Variants in CTNNA2 observed in about 807,000 individuals in gnomAD.
CTNNA2 encodes catenin alpha 2.
Under a neutral mutation model 101.0 loss-of-function variants are expected in CTNNA2, and 42 were observed. That is an observed-to-expected ratio of 0.42 (90% CI 0.32 to 0.54). The LOEUF is 0.54. Ranked by LOEUF, CTNNA2 falls within the 20% of genes least tolerant of loss-of-function variation. CTNNA2 has a pLI of 0.14. For missense variants in CTNNA2, 871 were observed against 1,223.1 expected, an observed-to-expected ratio of 0.71 and a Z score of 4.29; for synonymous variants, 450 against 456.4, an observed-to-expected ratio of 0.99 and a Z score of 0.18.
At chr2:79,716,802 G>T (rs891873913) in intron 2 of CTNNA2, among the ~76,000 whole-genome samples, 1 of 151,980 alleles carries the variant, frequency 6.6e-6, no homozygotes, top group South Asian at 2.1e-4. Flanking sequence ...TTAACAGGAG[G>T]TACCAATTGA....
chr2:79,984,648 C>G (rs1691634525), intron 7 of CTNNA2, among the ~76,000 whole-genome samples: 4 of 152,120 alleles, frequency 2.6e-5, no homozygotes, highest in Admixed American at 2.6e-4. Flanking sequence ...GGCTATGAGT[C>G]AGTGTGCTGA....
chr2:79,365,538 A>G (rs2104450497), intron 3 of CTNNA2, among the ~76,000 whole-genome samples: 1 of 150,450 alleles, frequency 6.6e-6, no homozygotes, highest in East Asian at 2.0e-4. Flanking sequence ...AGGCAGGAGG[A>G]TGGCCCAAGC....
chr2:80,604,323 T>A (rs1697812407), intron 16 of CTNNA2, 144 bp downstream of exon 16: 4 of 675,412 alleles, frequency 5.9e-6, no homozygotes, highest in Admixed American at 4.4e-5. Flanking sequence ...CACACTGGTA[T>A]CTGCCTCTCC....
chr2:80,553,162 T>G (rs1444904812), intron 11 of CTNNA2, among the ~76,000 whole-genome samples: 1 of 151,200 alleles, frequency 6.6e-6, no homozygotes, highest in East Asian at 1.9e-4. Context: ...AGACTGAGGT[T>G]GTGGTGAGCT....
At chr2:79,409,842 T>C (rs1015282687) in intron 4 of CTNNA2, among the ~76,000 whole-genome samples, 3 of 151,308 alleles carry the variant, frequency 2.0e-5, no homozygotes, top group African/African-American at 4.9e-5. Context: ...GTGAAGAAAG[T>C]CATTGGTAGC....
At chr2:80,568,675 C>G (rs1694284797) in intron 12 of CTNNA2, among the ~76,000 whole-genome samples, 2 of 151,984 alleles carry the variant, frequency 1.3e-5, no homozygotes, top group South Asian at 4.2e-4. Context: ...GAAGGCTTCA[C>G]AATGGCAATT....
Position 80,227,494 on chromosome 2 carries a change from A to T in CTNNA2, c.1057-165717A>T, listed in dbSNP as rs945172090. ...ACGCCCAGCCCTTACTGATATTTCC[A>T]GGCATTCAGCCATCTATTTGATAAT... is the stretch of plus-strand genomic sequence containing the variant. On this transcript the variant is annotated intron_variant, in intron 7 of 18. Transcript: ENST00000402739. Among the ~76,000 whole-genome samples, 2 of 152,322 alleles carry T rather than the reference A, an allele frequency of 1.3e-5. 1 individual carries two copies. Among genetic ancestry groups the T allele is most frequent in the South Asian group, 4.1e-4 (2 of 4,824 alleles).
At chr2:79,286,616 G>A (rs948097988) in intron 2 of CTNNA2, among the ~76,000 whole-genome samples, 1 of 152,192 alleles carries the variant, frequency 6.6e-6, no homozygotes, top group Non-Finnish European at 1.5e-5. Context: ...TTTCTGCCGA[G>A]AGATCTGCTG....
chr2:79,884,494 T>G (rs531587856), intron 6 of CTNNA2, among the ~76,000 whole-genome samples: 1 of 152,202 alleles, frequency 6.6e-6, no homozygotes, highest in Non-Finnish European at 1.5e-5. Flanking sequence ...ACTTTTCGAA[T>G]ACTTCAGCTT....
At chr2:79,350,073 CAAAAAAAAA>C (rs59503765) in intron 3 of CTNNA2, among the ~76,000 whole-genome samples, 17 of 57,452 alleles carry the variant, frequency 3.0e-4, no homozygotes, top group Non-Finnish European at 1.7e-4. Flanking sequence ...GACTCCTTCT[CAAAAAAAAA>C]AAAAAAAAAA....
intron 3 of CTNNA2, among the ~76,000 whole-genome samples, chr2:79,752,840 A>G (rs1488142359): frequency 6.6e-6 from 1 of 152,196 alleles, no homozygotes; most frequent in Non-Finnish European, 1.5e-5. Context: ...AAGAAGTATC[A>G]GGGTATATAT....
intron 7 of CTNNA2, among the ~76,000 whole-genome samples, chr2:79,958,784 T>TTC (rs398104482): frequency 1.3e-5 from 2 of 151,894 alleles, no homozygotes; most frequent in Non-Finnish European, 2.9e-5. Flanking sequence ...CATTTTTTTT[T>TTC]CTTTTCATAA....
intron 7 of CTNNA2, among the ~76,000 whole-genome samples, chr2:79,985,980 G>A (rs1437066664): frequency 1.3e-5 from 2 of 152,160 alleles, no homozygotes; most frequent in South Asian, 2.1e-4. Context: ...TTTGCTTTCC[G>A]AATGTGCCTG....
intron 9 of CTNNA2, among the ~76,000 whole-genome samples, chr2:80,503,185 T>A (rs1364587924): frequency 6.6e-6 from 1 of 151,946 alleles, no homozygotes; most frequent in African/African-American, 2.4e-5. Flanking sequence ...AAAAAAACCA[T>A]AAATAAAAAT....
intron 7 of CTNNA2, among the ~76,000 whole-genome samples, chr2:80,130,475 C>T (rs1702354166): frequency 6.6e-6 from 1 of 152,124 alleles, no homozygotes; most frequent in Admixed American, 6.6e-5. Flanking sequence ...CTCCCACTCT[C>T]CTACATGAAT....
chr2:80,133,257 G>A (rs1702509005), intron 7 of CTNNA2, among the ~76,000 whole-genome samples: 1 of 152,132 alleles, frequency 6.6e-6, no homozygotes, highest in Admixed American at 6.5e-5. Flanking sequence ...GGCGAGGAAG[G>A]ATTCTCCCCT....
intron 9 of CTNNA2, among the ~76,000 whole-genome samples, chr2:80,455,260 A>C (rs1683866199): frequency 6.6e-6 from 1 of 152,206 alleles, no homozygotes; most frequent in Non-Finnish European, 1.5e-5. Context: ...TTGTCACATA[A>C]GTCTGGCGTA....
chr2:80,555,908 TG>T lies in CTNNA2; in HGVS notation c.1741+18del. The stretch of plus-strand genomic sequence containing the variant: ...TTCTGAAACAGGTAAGCATGGGTAT[TG>T]GGTCTGGCCAAAATGTTAATGCCTT... On this transcript the variant is annotated intron_variant, in intron 12 of 18. Coordinates refer to ENST00000402739, the MANE Select transcript of CTNNA2 (RefSeq NM_001282597.3). 6.8e-7 allele frequency: 1 copy of T among 1,465,098 alleles called. No individual in the cohort carries two copies. The highest frequency in any genetic ancestry group is 9.1e-7 in the Non-Finnish European group (1 of 1,099,848). The allele number at this position is 1,465,098 out of a possible 1,614,324, so 90.8% of individuals were successfully genotyped here.
intron 9 of CTNNA2, among the ~76,000 whole-genome samples, chr2:80,463,103 C>T (rs1684584168): frequency 6.6e-6 from 1 of 152,118 alleles, no homozygotes; most frequent in African/African-American, 2.4e-5. Context: ...TTTATGCCTC[C>T]ATCTCTGACC....
Sources: gnomAD v4.1 joint callset for allele counts (sites outside exome capture counted in the v4.1 genomes callset) on GRCh38, gnomAD v4.1.1 for gene constraint, MANE v1.5 for transcripts, NCBI Gene and HGNC (gene_info 2026-07-23, HGNC 2026-07-21) for gene names.